KHDRBS2: variants seen among roughly 807,000 people sequenced by gnomAD.
KHDRBS2 encodes the protein KH domain-containing, RNA-binding, signal transduction-associated protein 2.
A neutral mutation model predicts 44.3 loss-of-function variants in KHDRBS2; 26 were observed. The ratio of observed to expected loss-of-function variants is 0.59; its 90% CI spans 0.43 to 0.81. The LOEUF (loss-of-function observed/expected upper bound fraction) is 0.81. KHDRBS2 is among the 40% of genes least tolerant of loss of function. KHDRBS2 has a pLI of 0.00. For synonymous variants in KHDRBS2, 194 were observed against 151.1 expected (o/e 1.28, Z -2.08); for missense variants, 476 against 433.1 (o/e 1.10, Z -0.88).
chr6:61,724,679 A>G (rs572169169), intron 7 of KHDRBS2, among the ~76,000 whole-genome samples: 8 of 152,306 alleles, frequency 5.3e-5, no homozygotes, highest in Middle Eastern at 6.8e-3. Flanking sequence ...GACAAAATAG[A>G]CTTTAAACCA....
chr6:61,974,311 C>G (rs2127400741), intron 4 of KHDRBS2, among the ~76,000 whole-genome samples: 1 of 152,146 alleles, frequency 6.6e-6, no homozygotes, highest in East Asian at 1.9e-4. Flanking sequence ...CTCTCACAAC[C>G]ATATGTGGCA....
At chr6:62,261,352 T>G (rs1448534844) in intron 1 of KHDRBS2, among the ~76,000 whole-genome samples, 1 of 151,822 alleles carries the variant, frequency 6.6e-6, no homozygotes, top group East Asian at 1.9e-4. Context: ...ATTATCAGTA[T>G]CATTAGCAGT....
the KHDRBS2 span, among the ~76,000 whole-genome samples, chr6:61,639,972 G>C: frequency 2.0e-5 from 3 of 151,992 alleles, no homozygotes; most frequent in Non-Finnish European, 4.4e-5. Context: ...GTGATGTGTG[G>C]ACCTTGTTTG....
At chr6:61,734,584 A>G (rs1276238204) in intron 6 of KHDRBS2, among the ~76,000 whole-genome samples, 1 of 152,018 alleles carries the variant, frequency 6.6e-6, no homozygotes, top group Non-Finnish European at 1.5e-5. Flanking sequence ...TCTTCCCAAT[A>G]TAGTTTCATC....
intron 1 of KHDRBS2, among the ~76,000 whole-genome samples, chr6:62,249,446 T>C (rs1309835904): frequency 2.6e-5 from 4 of 152,026 alleles, no homozygotes; most frequent in Admixed American, 1.3e-4. Flanking sequence ...ATATTCATCA[T>C]AAATCACATA....
intron 6 of KHDRBS2, among the ~76,000 whole-genome samples, chr6:61,787,888 AG>A (rs1784048905): frequency 6.6e-6 from 1 of 151,506 alleles, no homozygotes; most frequent in South Asian, 2.1e-4. Context: ...TTACAAAATA[AG>A]TCTGTTCCCT....
chr6:61,982,661 ACT>A (rs1190278865), intron 3 of KHDRBS2, among the ~76,000 whole-genome samples: 5 of 148,598 alleles, frequency 3.4e-5, no homozygotes, highest in Admixed American at 1.3e-4. Context: ...ACAGAGCCAA[ACT>A]CTGTCTCAAA....
the KHDRBS2 span, among the ~76,000 whole-genome samples, chr6:61,587,027 C>T: frequency 2.0e-3 from 312 of 152,286 alleles, 1 homozygote; most frequent in South Asian, 0.024. Flanking sequence ...TTCACTTTCT[C>T]CTTGCCATTT....
chr6:62,043,770 T>C (rs1282821227), intron 3 of KHDRBS2, among the ~76,000 whole-genome samples: 1 of 152,100 alleles, frequency 6.6e-6, no homozygotes, highest in Non-Finnish European at 1.5e-5. Flanking sequence ...CCACTAGAAT[T>C]ATTTTATATA....
intron 3 of KHDRBS2, among the ~76,000 whole-genome samples, chr6:61,985,536 A>AT (rs1774895380): frequency 6.6e-6 from 1 of 152,108 alleles, no homozygotes; most frequent in African/African-American, 2.4e-5. Flanking sequence ...GGAAGTTTTC[A>AT]AATGTTGTTA....
intron 4 of KHDRBS2, among the ~76,000 whole-genome samples, chr6:61,909,570 G>A (rs1220999824): frequency 6.6e-6 from 1 of 152,070 alleles, no homozygotes; most frequent in African/African-American, 2.4e-5. Context: ...TGAAATTCAT[G>A]ACTGCTCCTT....
intron 3 of KHDRBS2, among the ~76,000 whole-genome samples, chr6:62,042,928 T>C (rs866752794): frequency 1.3e-5 from 2 of 152,104 alleles, no homozygotes; most frequent in South Asian, 2.1e-4. Flanking sequence ...TAATACCCCA[T>C]TTCGTAATTT....
At chr6:61,572,800 G>T in the KHDRBS2 span, among the ~76,000 whole-genome samples, 1 of 152,052 alleles carries the variant, frequency 6.6e-6, no homozygotes, top group Non-Finnish European at 1.5e-5. Context: ...AGCAAAATTG[G>T]CACAGAAGGG....
At chr6:62,229,741 G>T (rs1452170421) in intron 1 of KHDRBS2, among the ~76,000 whole-genome samples, 1 of 152,118 alleles carries the variant, frequency 6.6e-6, no homozygotes, top group African/African-American at 2.4e-5. Context: ...TGGCTGGGGG[G>T]TAGGGGCTCC....
chr6:62,253,989 C>T (rs1836969381), intron 1 of KHDRBS2, among the ~76,000 whole-genome samples: 1 of 151,992 alleles, frequency 6.6e-6, no homozygotes, highest in African/African-American at 2.4e-5. Flanking sequence ...AGCAAGAATC[C>T]TAACTTTTAA....
At chr6:62,010,401 T>C (rs1167605239) in intron 3 of KHDRBS2, among the ~76,000 whole-genome samples, 2 of 152,188 alleles carry the variant, frequency 1.3e-5, no homozygotes, top group Non-Finnish European at 2.9e-5. Context: ...GATGAGACTT[T>C]GGACTGTGGA....
At chr6:61,921,632 T>C (rs547351369) in intron 4 of KHDRBS2, among the ~76,000 whole-genome samples, 1 of 152,132 alleles carries the variant, frequency 6.6e-6, no homozygotes, top group African/African-American at 2.4e-5. Flanking sequence ...CAATACATCA[T>C]GACCATTGCT....
intron 4 of KHDRBS2, among the ~76,000 whole-genome samples, chr6:61,950,896 C>CA (rs1338315313): frequency 6.6e-6 from 1 of 151,930 alleles, no homozygotes; most frequent in African/African-American, 2.4e-5. Flanking sequence ...CTAGTATTTT[C>CA]ATAATTAGGA....
At chr6:61,640,017 A>AT in the KHDRBS2 span, among the ~76,000 whole-genome samples, 2 of 152,102 alleles carry the variant, frequency 1.3e-5, no homozygotes, top group African/African-American at 2.4e-5. Flanking sequence ...GTAAATGGGC[A>AT]TTTTTGGCAC....
Sources: allele counts gnomAD v4.1 joint callset (sites outside exome capture counted in the v4.1 genomes callset), GRCh38; gene constraint gnomAD v4.1.1; transcripts MANE v1.5; gene names NCBI Gene and HGNC (gene_info 2026-07-23, HGNC 2026-07-21).